PIEZO2: variants seen among roughly 807,000 people sequenced by gnomAD.
PIEZO2 encodes the protein piezo-type mechanosensitive ion channel component 2.
In PIEZO2, 172 loss-of-function variants were observed where a neutral mutation model predicts 337.3. The observed-to-expected ratio is 0.51, with a 90% CI of 0.45 to 0.58. The LOEUF is 0.58. PIEZO2 is among the 20% of genes least tolerant of loss of function. The pLI is 0.00. For missense variants in PIEZO2, 3,028 were observed against 3,391.3 expected, an observed-to-expected ratio of 0.89 and a Z score of 2.66; for synonymous variants, 1,251 against 1,228.5, an observed-to-expected ratio of 1.02 and a Z score of -0.38.
At chr18:10,752,005 G>T (rs547782852) in intron 28 of PIEZO2, among the ~76,000 whole-genome samples, 184 of 152,294 alleles carry the variant, frequency 1.2e-3, no homozygotes, top group African/African-American at 3.9e-3. Context: ...GGGTTGTGGG[G>T]GGGGAGGGTC....
intron 49 of PIEZO2, among the ~76,000 whole-genome samples, chr18:10,684,546 C>T (rs2034459531): frequency 6.6e-6 from 1 of 150,794 alleles, no homozygotes; most frequent in Non-Finnish European, 1.5e-5. Context: ...CTCACTGCAA[C>T]TTCCACCACC....
At chr18:10,981,449 T>A (rs956368652) in intron 2 of PIEZO2, among the ~76,000 whole-genome samples, 2 of 152,172 alleles carry the variant, frequency 1.3e-5, no homozygotes, top group Admixed American at 6.5e-5. Context: ...TAATTCACCG[T>A]ATTAGCAGAT....
chr18:10,855,444 C>T lies in PIEZO2; in HGVS notation c.826G>A (p.Ala276Thr). The T allele has an allele frequency of 1.3e-6, 2 of 1,537,136 alleles. No homozygotes were observed. Among genetic ancestry groups the T allele is most frequent in the South Asian group, 1.2e-5 (1 of 84,054 alleles). ...LLFSCLCVLL[A>T]IFTAGHLIGL... ...ATCAAATGTCCAGCAGTGAAAATAG[C>T]CAGCAGAACACAGAGACAGCTGAAC... The change falls in exon 7 of 56, where the codon GCT becomes ACT. Residue 276 changes from alanine to threonine, a missense_variant. Around this residue, in one of 5 missense-constraint regions of PIEZO2, gnomAD observed 542 missense variants for 605.6 expected, o/e 0.89. Coordinates refer to ENST00000674853, the MANE Select transcript of PIEZO2 (RefSeq NM_001378183.1). The surrounding 1 kb of genome is among the most constrained non-coding windows in gnomAD (Gnocchi z 4.9).
At chr18:10,947,572 C>T (rs2033090199) in intron 3 of PIEZO2, among the ~76,000 whole-genome samples, 1 of 152,102 alleles carries the variant, frequency 6.6e-6, no homozygotes, top group Non-Finnish European at 1.5e-5. Context: ...AGAAGAATTG[C>T]TCTCAAAGAA....
chr18:10,960,485 G>T (rs188050625), intron 3 of PIEZO2, among the ~76,000 whole-genome samples: 2 of 151,144 alleles, frequency 1.3e-5, no homozygotes, highest in Admixed American at 6.6e-5. Flanking sequence ...TAGACACAGG[G>T]TATCATAACA....
intron 3 of PIEZO2, among the ~76,000 whole-genome samples, chr18:10,948,360 A>G (rs909253214): frequency 2.9e-4 from 44 of 152,172 alleles, no homozygotes; most frequent in African/African-American, 1.0e-3. Flanking sequence ...TTGACTTAGA[A>G]GACTTACTAA....
At chr18:11,022,393 G>T (rs1164979494) in intron 2 of PIEZO2, among the ~76,000 whole-genome samples, 1 of 152,224 alleles carries the variant, frequency 6.6e-6, no homozygotes, top group Non-Finnish European at 1.5e-5. Flanking sequence ...CAGCCTGCTG[G>T]GGGCATGGTA....
Position 11,030,168 on chromosome 18 carries a change from T to C in PIEZO2, c.160+35959A>G, listed in dbSNP as rs865984492. On this transcript the variant is annotated intron_variant, in intron 2 of 55. Coordinates refer to ENST00000674853, the MANE Select transcript of PIEZO2 (RefSeq NM_001378183.1). ...AGCCAACCCCTTATAGTGCTACTAA[T>C]GGTAATAAACACAACTAAGGTGTCA... 9.8e-5 allele frequency among the ~76,000 whole-genome samples: 15 copies of C among 152,322 alleles called. No individual in the cohort carries two copies. In the South Asian group the frequency reaches 1.9e-3, roughly 19 times the overall value.
chr18:10,941,367 T>A (rs1300922963), intron 3 of PIEZO2, among the ~76,000 whole-genome samples: 1 of 152,112 alleles, frequency 6.6e-6, no homozygotes, highest in Non-Finnish European at 1.5e-5. Flanking sequence ...ACACCCCAAG[T>A]AGACAGTACA....
chr18:10,730,952 T>C (rs1452059319), intron 36 of PIEZO2, among the ~76,000 whole-genome samples: 1 of 152,046 alleles, frequency 6.6e-6, no homozygotes, highest in Non-Finnish European at 1.5e-5. Context: ...GGTCTCGATC[T>C]CCTGACCTCG....
chr18:10,997,889 G>T (rs1442606433), intron 2 of PIEZO2, among the ~76,000 whole-genome samples: 4 of 152,098 alleles, frequency 2.6e-5, no homozygotes, highest in Non-Finnish European at 5.9e-5. Flanking sequence ...CAGAAATTTG[G>T]TGAAGACATA....
chr18:10,981,356 T>C (rs2034660128), intron 2 of PIEZO2, among the ~76,000 whole-genome samples: 1 of 152,144 alleles, frequency 6.6e-6, no homozygotes, highest in Non-Finnish European at 1.5e-5. Flanking sequence ...TCCATTAATA[T>C]ATGAAAAAGA....
chr18:10,790,404 C>T (rs1037936240), intron 14 of PIEZO2, among the ~76,000 whole-genome samples: 2 of 152,160 alleles, frequency 1.3e-5, no homozygotes, highest in South Asian at 2.1e-4. Flanking sequence ...AGTCTTCAAT[C>T]CATTCTACAA....
In PIEZO2 at chr18:10,750,241, T is replaced by G. The variant is rs1385166071; in HGVS notation, c.4168-54A>C. ...GAAGCTCTGCAGCCAGAAAAAAAAG[T>G]GGTGTTTTATGATCCCAACATGTGC... On this transcript the variant is annotated intron_variant, in intron 28 of 55. Coordinates refer to ENST00000674853, the MANE Select transcript of PIEZO2 (RefSeq NM_001378183.1). This position sits in a 1 kb window ranked among gnomAD's most constrained non-coding sequence, Gnocchi z 4.1. 7.8e-7 allele frequency: 1 copy of G among 1,282,798 alleles called. No individual in the cohort carries two copies. The allele number at this position is 1,282,798 out of a possible 1,614,324, so 79.5% of individuals were successfully genotyped here.
In PIEZO2 at chr18:10,962,064, T is replaced by C. The variant is rs1568243357; in HGVS notation, c.286+17471A>G. ...AATGCACCACTGATTCTCGCAACGT[T>C]CAGTTTTTTTTTCCAAGCAGACTGT... is the stretch of plus-strand genomic sequence containing the variant. On this transcript the variant is annotated intron_variant, in intron 3 of 55. Transcript: ENST00000674853. The surrounding 1 kb of genome is among the most constrained non-coding windows in gnomAD (Gnocchi z 4.1). 6.6e-6 allele frequency among the ~76,000 whole-genome samples: 1 copy of C among 152,104 alleles called. No homozygotes were observed. Among genetic ancestry groups the C allele is most frequent in the Admixed American group, 6.5e-5 (1 of 15,274 alleles).
rs912018357 is a variant in PIEZO2 at position 11,104,796 on chromosome 18, T to C, written c.65-38574A>G. Among the ~76,000 whole-genome samples, 15 of 152,168 alleles carry C rather than the reference T, an allele frequency of 9.9e-5. No homozygotes were observed. Among genetic ancestry groups the C allele is most frequent in the African/African-American group, 1.7e-4 (7 of 41,434 alleles). ...TACAATGCAGTATAACGGCGCCTGC[T>C]TCTCTTGGGGACCACTCTCCTCCAT... On this transcript the variant is annotated intron_variant, in intron 1 of 55. Coordinates refer to ENST00000674853, the MANE Select transcript of PIEZO2 (RefSeq NM_001378183.1). This position sits in a 1 kb window ranked among gnomAD's most constrained non-coding sequence, Gnocchi z 4.6.
At chr18:10,904,135 C>T (rs2043117348) in intron 4 of PIEZO2, among the ~76,000 whole-genome samples, 1 of 152,164 alleles carries the variant, frequency 6.6e-6, no homozygotes. Context: ...CTTATGTTTA[C>T]ATATAGAGGA....
intron 11 of PIEZO2, among the ~76,000 whole-genome samples, chr18:10,797,760 C>G (rs146164566): frequency 6.6e-6 from 1 of 152,148 alleles, no homozygotes; most frequent in African/African-American, 2.4e-5. Flanking sequence ...TAAGAAGATA[C>G]GGAATGAAGC....
At chr18:10,885,540 C>T (rs2042554457) in intron 4 of PIEZO2, among the ~76,000 whole-genome samples, 1 of 152,152 alleles carries the variant, frequency 6.6e-6, no homozygotes, top group Admixed American at 6.5e-5. Flanking sequence ...TCTGAAACAA[C>T]ATGATGTGTC....
Sources: allele counts gnomAD v4.1 joint callset (sites outside exome capture counted in the v4.1 genomes callset), GRCh38; gene constraint gnomAD v4.1.1; regional missense constraint gnomAD v4.1.1; non-coding constraint Gnocchi (gnomAD v3.1); transcripts MANE v1.5; gene names NCBI Gene and HGNC (gene_info 2026-07-23, HGNC 2026-07-21).